Variants in RORA observed in about 807,000 individuals in gnomAD.
The protein encoded by RORA is nuclear receptor ROR-alpha.
RORA carries 7 observed loss-of-function variants against 69.5 expected under a neutral mutation model. That is an observed-to-expected ratio of 0.10 (90% CI 0.06 to 0.19). The LOEUF (loss-of-function observed/expected upper bound fraction) is 0.19. Ranked by LOEUF, RORA falls within the 10% of genes least tolerant of loss-of-function variation. RORA has a pLI of 1.00. For missense variants in RORA, 457 were observed against 663.0 expected (o/e 0.69, Z 3.41); for synonymous variants, 261 against 240.8 (o/e 1.08, Z -0.78).
At chr15:61,097,118 G>T (rs1045173864) in intron 1 of RORA, among the ~76,000 whole-genome samples, 1 of 152,194 alleles carries the variant, frequency 6.6e-6, no homozygotes, top group Non-Finnish European at 1.5e-5. Context: ...GCAAACAAGA[G>T]GGGGAGTGTT....
chr15:60,607,006 C>T (rs1192386920), intron 2 of RORA, among the ~76,000 whole-genome samples: 1 of 152,176 alleles, frequency 6.6e-6, no homozygotes, highest in Non-Finnish European at 1.5e-5. Context: ...AGACATAATT[C>T]TGACAACCTT....
At chr15:61,194,244 A>G (rs962884613) in intron 1 of RORA, 3 of 152,208 alleles carry the variant, frequency 2.0e-5, no homozygotes, top group African/African-American at 7.2e-5. Flanking sequence ...AAGCCATCAC[A>G]TATTTCTTAT....
chr15:60,721,067 C>T (rs2071287329), intron 1 of RORA, among the ~76,000 whole-genome samples: 1 of 152,194 alleles, frequency 6.6e-6, no homozygotes, highest in Non-Finnish European at 1.5e-5. Flanking sequence ...ACAGAAACCT[C>T]AGTTCTCAAG....
chr15:61,015,965 C>T (rs759487852), intron 1 of RORA, among the ~76,000 whole-genome samples: 9 of 152,232 alleles, frequency 5.9e-5, no homozygotes, highest in Non-Finnish European at 1.3e-4. Flanking sequence ...CCAGGGGGAA[C>T]GTGGCCAAGA....
At chr15:60,751,659 T>C (rs925495488) in intron 1 of RORA, among the ~76,000 whole-genome samples, 1 of 152,174 alleles carries the variant, frequency 6.6e-6, no homozygotes, top group Non-Finnish European at 1.5e-5. Flanking sequence ...GCACCTGCTT[T>C]CTTGACCACT....
At chr15:60,926,213 C>T (rs1411387033) in intron 1 of RORA, among the ~76,000 whole-genome samples, 2 of 152,186 alleles carry the variant, frequency 1.3e-5, no homozygotes, top group Non-Finnish European at 2.9e-5. Flanking sequence ...CACAGCTATT[C>T]GAAAGCCAAA....
chr15:60,731,056 T>C (rs1295865461), intron 1 of RORA, among the ~76,000 whole-genome samples: 1 of 152,180 alleles, frequency 6.6e-6, no homozygotes, highest in East Asian at 1.9e-4. Context: ...TCCTCCCACC[T>C]TCACTGCCTC....
intron 1 of RORA, among the ~76,000 whole-genome samples, chr15:61,089,933 C>T (rs530388293): frequency 6.6e-6 from 1 of 152,166 alleles, no homozygotes; most frequent in Non-Finnish European, 1.5e-5. Flanking sequence ...GTAGATAAAA[C>T]TAAGCAAATG....
intron 1 of RORA, among the ~76,000 whole-genome samples, chr15:61,083,310 G>A (rs1158719536): frequency 6.6e-6 from 1 of 152,178 alleles, no homozygotes; most frequent in East Asian, 1.9e-4. Context: ...AGAATCCAAA[G>A]TGCAAGATTA....
At chr15:60,692,021 T>C (rs1301814625) in intron 1 of RORA, among the ~76,000 whole-genome samples, 1 of 152,212 alleles carries the variant, frequency 6.6e-6, no homozygotes, top group Non-Finnish European at 1.5e-5. Flanking sequence ...ATTTCTGAGA[T>C]TGAGAAAACT....
intron 1 of RORA, among the ~76,000 whole-genome samples, chr15:61,146,979 G>A (rs903304457): frequency 4.6e-5 from 7 of 151,620 alleles, no homozygotes; most frequent in African/African-American, 1.2e-4. Context: ...TGAAGCAGAC[G>A]CTTTCACAAG....
chr15:60,702,166 C>G (rs1406942467), intron 1 of RORA, among the ~76,000 whole-genome samples: 3 of 152,166 alleles, frequency 2.0e-5, no homozygotes, highest in Admixed American at 2.0e-4. Context: ...CCTCGGCTTT[C>G]TCTTCTGTGA....
chr15:60,530,166 C>T (rs955201925), intron 3 of RORA: 5 of 152,286 alleles, frequency 3.3e-5, no homozygotes, highest in African/African-American at 1.2e-4. Context: ...CAATGGCTAC[C>T]TGGCCACGTC....
rs1200666558 is a variant in RORA, at chr15:60,492,744, T to C, written c.*4711A>G. 6.6e-6 allele frequency: 1 copy of C among 152,172 alleles called. No homozygotes were observed. The highest frequency in any genetic ancestry group is 1.9e-4 in the East Asian group (1 of 5,202). The allele number at this position is 152,172 out of a possible 1,614,324, so 9.4% of individuals were successfully genotyped here. A position where few individuals can be genotyped will look rare whatever the true frequency, so the allele number is the denominator to read the frequency against. On this transcript the variant is annotated 3_prime_UTR_variant, in exon 11 of 11. Coordinates refer to ENST00000335670, the MANE Select transcript of RORA (RefSeq NM_134261.3). ...TTTGCTGGTACATTATTAATTTATCTTTTGAACACACTGGCATAACTTTGC... is the reference window on the plus strand; with the variant it reads ...TTTGCTGGTACATTATTAATTTATCCTTTGAACACACTGGCATAACTTTGC...
chr15:60,902,292 T>TA (rs66474752), intron 1 of RORA, among the ~76,000 whole-genome samples: 72,740 of 150,266 alleles, frequency 0.48, 19,030 homozygotes, highest in Non-Finnish European at 0.6. Context: ...TTTTTTTTTT[T>TA]TAAAAAACAG....
At chr15:60,656,291 T>A (rs1382042340) in intron 2 of RORA, among the ~76,000 whole-genome samples, 4 of 152,222 alleles carry the variant, frequency 2.6e-5, no homozygotes, top group African/African-American at 9.6e-5. Flanking sequence ...GAGTCCCCAG[T>A]GCAGCATGCA....
intron 2 of RORA, among the ~76,000 whole-genome samples, chr15:60,536,243 C>A (rs933873853): frequency 2.6e-5 from 4 of 152,142 alleles, no homozygotes; most frequent in African/African-American, 7.2e-5. Flanking sequence ...TCTGTATGAG[C>A]ATTTTATATA....
intron 1 of RORA, among the ~76,000 whole-genome samples, chr15:60,873,223 TCG>T (rs1491552840): frequency 1.5e-5 from 2 of 135,436 alleles, no homozygotes; most frequent in South Asian, 2.5e-4. Context: ...TGGGTAAAGG[TCG>T]TGTGTGTGTG....
At chr15:60,806,129 G>A (rs1406445490) in intron 1 of RORA, among the ~76,000 whole-genome samples, 1 of 152,084 alleles carries the variant, frequency 6.6e-6, no homozygotes, top group Non-Finnish European at 1.5e-5. Context: ...CCTTTCAGTA[G>A]AAAAGTCAGA....
Sources: allele counts gnomAD v4.1 joint callset (sites outside exome capture counted in the v4.1 genomes callset), GRCh38; gene constraint gnomAD v4.1.1; transcripts MANE v1.5; gene names NCBI Gene and HGNC (gene_info 2026-07-23, HGNC 2026-07-21).